TTC6: variants seen among roughly 807,000 people sequenced by gnomAD.
TTC6 encodes the protein tetratricopeptide repeat protein 6.
TTC6 carries 172 observed loss-of-function variants against 210.4 expected under a neutral mutation model. The ratio of observed to expected loss-of-function variants is 0.82; its 90% CI spans 0.72 to 0.93. The LOEUF (loss-of-function observed/expected upper bound fraction) is 0.93, where lower values mean the gene tolerates loss of function less well. TTC6 is among the 40% of genes least tolerant of loss of function. TTC6 has a pLI of 0.00. For synonymous variants in TTC6, 804 were observed against 819.6 expected (o/e 0.98, Z 0.32); for missense variants, 2,414 against 2,318.1 (o/e 1.04, Z -0.85).
At chr14:37,842,099 A>AG (rs1566986689) in intron 30 of TTC6, 56 bp from the exon 33 acceptor site, 1 of 1,405,322 alleles carries the variant, frequency 7.1e-7, no homozygotes, top group Non-Finnish European at 9.3e-7. Flanking sequence ...TTGTAAAAAA[A>AG]GAGACTATTT....
At position 37,606,649 on chromosome 14, in the gene TTC6, AT is replaced by A. The variant is rs956699377; in HGVS notation, c.-234-7del. The A allele has an allele frequency of 1.0e-5, 9 of 896,058 alleles. No homozygotes were observed. Among genetic ancestry groups the A allele is most frequent in the African/African-American group, 1.8e-5 (1 of 55,242 alleles). The allele number at this position is 896,058 out of a possible 1,614,324, so 55.5% of individuals were successfully genotyped here. ...TAGTTCCCTTTAATCCCACCTTCAA[AT>A]TTTTTTCCCTAGGAAAACCCTTTCC... On this transcript the variant is annotated splice_polypyrimidine_tract_variant and intron_variant, in intron 1 of 2. Coordinates refer to the TTC6 transcript ENST00000556845.
chr14:37,756,645 A>G (rs573914699), intron 14 of TTC6, among the ~76,000 whole-genome samples: 1 of 152,308 alleles, frequency 6.6e-6, no homozygotes, highest in East Asian at 1.9e-4. Context: ...GTGATGGATT[A>G]CATTAATTTG....
intron 10 of TTC6, among the ~76,000 whole-genome samples, chr14:37,744,997 TAC>T (rs147986899): frequency 9.3e-5 from 14 of 150,926 alleles, no homozygotes; most frequent in Non-Finnish European, 1.6e-4. Context: ...GGATATGGGA[TAC>T]ACACACACAC....
At chr14:37,805,375 A>G (rs1207459313) in intron 21 of TTC6, among the ~76,000 whole-genome samples, 2 of 151,800 alleles carry the variant, frequency 1.3e-5, no homozygotes, top group South Asian at 2.1e-4. Context: ...AATTGATACT[A>G]TCCAATGGCT....
At chr14:37,790,766 A>T (rs1454721873) in exon 16 of TTC6, 1 of 1,534,734 alleles carries the variant, frequency 6.5e-7, no homozygotes, top group Admixed American at 2.0e-5. Flanking sequence ...TACATCGGGG[A>T]ATAGTCTATG....
chr14:37,761,246 G>C (rs1200835639), intron 14 of TTC6, among the ~76,000 whole-genome samples: 1 of 151,852 alleles, frequency 6.6e-6, no homozygotes, highest in Non-Finnish European at 1.5e-5. Flanking sequence ...CCCTTGGTTG[G>C]GGAGGGAGGT....
intron 1 of TTC6, among the ~76,000 whole-genome samples, chr14:37,654,015 T>C (rs181544208): frequency 6.6e-6 from 1 of 152,346 alleles, no homozygotes; most frequent in African/African-American, 2.4e-5. Flanking sequence ...AGTGTTTATT[T>C]AAAGCAGTGT....
chr14:37,693,099 G>C (rs1434630590), intron 3 of TTC6, among the ~76,000 whole-genome samples: 1 of 152,026 alleles, frequency 6.6e-6, no homozygotes, highest in East Asian at 1.9e-4. Flanking sequence ...AAAGGAAGAA[G>C]TCAAATTATT....
chr14:37,749,049 A>T (rs916127001), exon 11 of TTC6: 2 of 1,535,756 alleles, frequency 1.3e-6, no homozygotes, highest in Non-Finnish European at 1.7e-6. Context: ...AATTTTGAAA[A>T]ATTCGTCCAA....
intron 1 of TTC6, among the ~76,000 whole-genome samples, chr14:37,630,918 T>TTG (rs2095668544): frequency 1.6e-5 from 1 of 60,872 alleles, no homozygotes; most frequent in Non-Finnish European, 3.4e-5. Context: ...TTTTTTTTTT[T>TTG]TTTTTTTTTT....
At chr14:37,709,373 T>C (rs1375490171) in intron 5 of TTC6, among the ~76,000 whole-genome samples, 1 of 152,142 alleles carries the variant, frequency 6.6e-6, no homozygotes, top group Admixed American at 6.6e-5. Context: ...GAATTAATAG[T>C]AACCTCATTT....
exon 2 of TTC6, chr14:37,680,214 A>T: frequency 6.5e-7 from 1 of 1,534,450 alleles, no homozygotes; most frequent in South Asian, 1.2e-5. Context: ...AACACCTGAG[A>T]TACAAGCAGA....
intron 16 of TTC6, 125 bp downstream of exon 18, chr14:37,790,962 A>G (rs995240492): frequency 2.3e-5 from 17 of 754,160 alleles, no homozygotes; most frequent in Admixed American, 1.4e-4. Flanking sequence ...TTATAAAGTC[A>G]TCCTAGAATT....
At chr14:37,785,912 G>T (rs941928608) in intron 14 of TTC6, among the ~76,000 whole-genome samples, 9 of 152,164 alleles carry the variant, frequency 5.9e-5, no homozygotes, top group African/African-American at 2.2e-4. Flanking sequence ...GTTTGCCTGG[G>T]TATCACCAGT....
intron 11 of TTC6, 126 bp downstream of exon 13, chr14:37,749,527 T>C: frequency 9.0e-7 from 1 of 1,111,508 alleles, no homozygotes; most frequent in Non-Finnish European, 1.2e-6. Flanking sequence ...ATTATAACAG[T>C]ATAATTATTT....
chr14:37,731,347 G>A (rs1329889233), intron 7 of TTC6, among the ~76,000 whole-genome samples: 1 of 152,106 alleles, frequency 6.6e-6, no homozygotes, highest in African/African-American at 2.4e-5. Context: ...AGGAACACTA[G>A]CCAACACTTC....
exon 20 of TTC6, chr14:37,796,924 C>G: frequency 6.2e-7 from 1 of 1,600,858 alleles, no homozygotes; most frequent in South Asian, 1.1e-5. Flanking sequence ...AGCAAAAGTT[C>G]AAATGAAGGC....
Position 37,598,627 on chromosome 14 carries a change from A to G in TTC6, c.-235+2619A>G, listed in dbSNP as rs1314292449. Among the ~76,000 whole-genome samples the G allele has an allele frequency of 1.3e-5, 2 of 152,118 alleles. No individual in the cohort carries two copies. The highest frequency in any genetic ancestry group is 2.9e-5 in the Non-Finnish European group (2 of 68,014). On this transcript the variant is annotated intron_variant, in intron 1 of 2. Transcript: ENST00000556845. The surrounding 1 kb of genome is among the most constrained non-coding windows in gnomAD (Gnocchi z 4.9). ...ACCAGGCAGGTAGAAGCAGAGGGAG[A>G]CGACGGCGAAAGGTGGAAGGAGAGG...
intron 29 of TTC6, among the ~76,000 whole-genome samples, chr14:37,829,509 CCTCT>C (rs1192525776): frequency 6.6e-6 from 1 of 151,890 alleles, no homozygotes; most frequent in Non-Finnish European, 1.5e-5. Flanking sequence ...GTAAACTCCT[CCTCT>C]CTCTCATTCA....
Sources: gnomAD v4.1 joint callset for allele counts (sites outside exome capture counted in the v4.1 genomes callset) on GRCh38, gnomAD v4.1.1 for gene constraint, Gnocchi (gnomAD v3.1) non-coding constraint, MANE v1.5 for transcripts, NCBI Gene and HGNC (gene_info 2026-07-23, HGNC 2026-07-21) for gene names.